CDKAL1: variants seen among roughly 807,000 people sequenced by gnomAD.
CDKAL1 encodes the protein threonylcarbamoyladenosine tRNA methylthiotransferase.
Under a neutral mutation model 68.2 loss-of-function variants are expected in CDKAL1, and 32 were observed. That is an observed-to-expected ratio of 0.47 (90% CI 0.35 to 0.63). The LOEUF is 0.63. Ranked by LOEUF, CDKAL1 falls within the 30% of genes least tolerant of loss-of-function variation. CDKAL1 has a pLI of 0.00. For missense variants in CDKAL1, 606 were observed against 696.7 expected (o/e 0.87, Z 1.47); for synonymous variants, 234 against 244.3 (o/e 0.96, Z 0.39).
intron 9 of CDKAL1, among the ~76,000 whole-genome samples, chr6:20,940,861 C>T (rs549441406): frequency 2.1e-4 from 32 of 152,232 alleles, no homozygotes; most frequent in African/African-American, 4.3e-4. Flanking sequence ...GAGGCCAAGG[C>T]GGGCAGATCA....
intron 6 of CDKAL1, among the ~76,000 whole-genome samples, chr6:20,747,998 A>G (rs777410402): frequency 2.6e-5 from 4 of 152,234 alleles, no homozygotes; most frequent in African/African-American, 9.6e-5. Context: ...ATTTAGACCT[A>G]TAATCTGGAG....
At chr6:21,214,874 GATGAATGAATGAATGAATGA>G (rs58042681) in intron 15 of CDKAL1, among the ~76,000 whole-genome samples, 1 of 149,670 alleles carries the variant, frequency 6.7e-6, no homozygotes, top group Non-Finnish European at 1.5e-5. Flanking sequence ...ACGTCTGTTG[GATGAATGAATGAATGAATGA>G]ATGAATGAAT....
chr6:20,908,724 A>G (rs193249646), intron 9 of CDKAL1, among the ~76,000 whole-genome samples: 1 of 152,354 alleles, frequency 6.6e-6, no homozygotes, highest in Non-Finnish European at 1.5e-5. Flanking sequence ...CTAAGTAATA[A>G]TCTTCTAATG....
intron 9 of CDKAL1, among the ~76,000 whole-genome samples, chr6:20,873,185 ATGTTTAAGAGATCAT>A (rs1760313916): frequency 6.6e-6 from 1 of 152,188 alleles, no homozygotes; most frequent in Non-Finnish European, 1.5e-5. Flanking sequence ...GAATAAGACG[ATGTTTAAGAGATCAT>A]TGATGTGGCA....
At chr6:20,928,928 T>TA (rs1763304142) in intron 9 of CDKAL1, among the ~76,000 whole-genome samples, 1 of 152,198 alleles carries the variant, frequency 6.6e-6, no homozygotes, top group Non-Finnish European at 1.5e-5. Context: ...TCAAAATACT[T>TA]ACGAAGTCGA....
Position 20,730,673 on chromosome 6 carries a change from C to T in CDKAL1, c.372-8846C>T, listed in dbSNP as rs185309050. Among the ~76,000 whole-genome samples the T allele has an allele frequency of 7.9e-5, 12 of 151,718 alleles. No individual in the cohort carries two copies. The East Asian group carries it at 9.8e-4, about 12-fold the overall frequency. On this transcript the variant is annotated intron_variant, in intron 5 of 15. Transcript: ENST00000274695. ...CAGCCTGGCCAACATGGTAAAACCC[C>T]GTCTCTACTAAAAATACAAAAATTA...
At chr6:20,842,396 A>G (rs1778208727) in intron 8 of CDKAL1, among the ~76,000 whole-genome samples, 1 of 152,216 alleles carries the variant, frequency 6.6e-6, no homozygotes, top group South Asian at 2.1e-4. Context: ...ATGTACCCAC[A>G]AAAATTAAAA....
chr6:20,544,131 CT>C (rs1322669792), intron 2 of CDKAL1, among the ~76,000 whole-genome samples: 2 of 152,144 alleles, frequency 1.3e-5, no homozygotes, highest in African/African-American at 2.4e-5. Context: ...CTATAAATGT[CT>C]GCTTGCTCCA....
At chr6:21,033,437 G>A (rs1328550596) in intron 11 of CDKAL1, among the ~76,000 whole-genome samples, 3 of 152,068 alleles carry the variant, frequency 2.0e-5, no homozygotes, top group African/African-American at 7.2e-5. Flanking sequence ...GAAAACCGTT[G>A]ATATCATAGA....
intron 9 of CDKAL1, among the ~76,000 whole-genome samples, chr6:20,849,718 A>C (rs1025508225): frequency 1.3e-5 from 2 of 152,188 alleles, no homozygotes; most frequent in African/African-American, 4.8e-5. Flanking sequence ...AAATCAAATG[A>C]TGGATTTTTC....
At chr6:20,760,438 G>GTTAAT (rs1266764982) in intron 7 of CDKAL1, among the ~76,000 whole-genome samples, 12 of 152,202 alleles carry the variant, frequency 7.9e-5, no homozygotes, top group Non-Finnish European at 1.5e-4. Flanking sequence ...CAGCCACTAT[G>GTTAAT]TTAAACACTT....
chr6:21,103,054 G>C (rs1028054355), intron 12 of CDKAL1, among the ~76,000 whole-genome samples: 3 of 152,104 alleles, frequency 2.0e-5, no homozygotes, highest in African/African-American at 7.2e-5. Flanking sequence ...AAACTTGTAG[G>C]CTTTATCATT....
At chr6:21,150,123 G>T (rs1463159535) in intron 13 of CDKAL1, among the ~76,000 whole-genome samples, 1 of 152,142 alleles carries the variant, frequency 6.6e-6, no homozygotes, top group Non-Finnish European at 1.5e-5. Context: ...CTCCCAAAGT[G>T]CTGGGATTAC....
At chr6:20,607,057 T>A (rs375929373) in intron 4 of CDKAL1, among the ~76,000 whole-genome samples, 1 of 152,332 alleles carries the variant, frequency 6.6e-6, no homozygotes, top group Non-Finnish European at 1.5e-5. Flanking sequence ...GGCTGGGTCT[T>A]TGACTGCTAG....
intron 9 of CDKAL1, among the ~76,000 whole-genome samples, chr6:20,949,927 C>G (rs1443812395): frequency 6.6e-6 from 1 of 151,750 alleles, no homozygotes; most frequent in East Asian, 1.9e-4. Flanking sequence ...GTAGCTGGGA[C>G]TACAGGCATG....
At chr6:20,859,186 A>T (rs914212679) in intron 9 of CDKAL1, among the ~76,000 whole-genome samples, 8 of 152,082 alleles carry the variant, frequency 5.3e-5, no homozygotes, top group Admixed American at 6.6e-5. Context: ...CTCTTTGATC[A>T]TGTGGTAGCC....
intron 11 of CDKAL1, among the ~76,000 whole-genome samples, chr6:21,030,144 A>G (rs1413374668): frequency 1.3e-5 from 2 of 152,250 alleles, no homozygotes; most frequent in African/African-American, 4.8e-5. Context: ...AATACTGTGC[A>G]GCCATAAAAA....
At chr6:20,715,391 T>C (rs1179105905) in intron 5 of CDKAL1, among the ~76,000 whole-genome samples, 2 of 152,234 alleles carry the variant, frequency 1.3e-5, no homozygotes, top group Non-Finnish European at 2.9e-5. Flanking sequence ...GATCTTCTCC[T>C]TCTTAAAGAC....
At chr6:20,933,692 G>A (rs1232486846) in intron 9 of CDKAL1, among the ~76,000 whole-genome samples, 1 of 152,112 alleles carries the variant, frequency 6.6e-6, no homozygotes, top group African/African-American at 2.4e-5. Context: ...TATTTGTCAA[G>A]GTAAGTGTAT....
Sources: allele counts gnomAD v4.1 joint callset (sites outside exome capture counted in the v4.1 genomes callset), GRCh38; gene constraint gnomAD v4.1.1; transcripts MANE v1.5; gene names NCBI Gene and HGNC (gene_info 2026-07-23, HGNC 2026-07-21).